Variants in FMN2 observed in about 807,000 individuals in gnomAD.
The protein encoded by FMN2 is formin-2.
Under a neutral mutation model 142.3 loss-of-function variants are expected in FMN2, and 51 were observed. The observed-to-expected ratio is 0.36, with a 90% confidence interval of 0.29 to 0.45. The LOEUF is 0.45. Ranked by LOEUF, FMN2 falls within the 20% of genes least tolerant of loss-of-function variation. The pLI is 1.00. For synonymous variants in FMN2, 882 were observed against 869.8 expected (o/e 1.01, Z -0.25); for missense variants, 1,936 against 2,122.8 (o/e 0.91, Z 1.73).
At chr1:240,424,372 A>G (rs1369113057) in intron 15 of FMN2, among the ~76,000 whole-genome samples, 1 of 152,140 alleles carries the variant, frequency 6.6e-6, no homozygotes, top group Non-Finnish European at 1.5e-5. Flanking sequence ...AGTAAGGAGA[A>G]ATGGGTAAGG....
intron 7 of FMN2, among the ~76,000 whole-genome samples, chr1:240,291,080 C>T (rs531355225): frequency 3.9e-4 from 59 of 152,220 alleles, no homozygotes; most frequent in Middle Eastern, 6.8e-3. Context: ...TCCCAGAGTG[C>T]TGGAATTACA....
chr1:240,408,006 C>T (rs1444899575), intron 15 of FMN2, among the ~76,000 whole-genome samples: 1 of 152,014 alleles, frequency 6.6e-6, no homozygotes, highest in African/African-American at 2.4e-5. Flanking sequence ...AGAAAATTGC[C>T]AAACTCTATT....
At chr1:240,242,942 C>A (rs1320497254) in intron 6 of FMN2, among the ~76,000 whole-genome samples, 1 of 152,094 alleles carries the variant, frequency 6.6e-6, no homozygotes, top group African/African-American at 2.4e-5. Context: ...TGGTGCCAAC[C>A]AGATAGTCTG....
At chr1:240,161,147 A>G (rs1421616362) in intron 2 of FMN2, among the ~76,000 whole-genome samples, 2 of 152,158 alleles carry the variant, frequency 1.3e-5, no homozygotes, top group Non-Finnish European at 2.9e-5. Flanking sequence ...CCAAACTAAT[A>G]GATTAGATGC....
At chr1:240,450,684 G>A (rs1676005943) in intron 16 of FMN2, among the ~76,000 whole-genome samples, 2 of 152,196 alleles carry the variant, frequency 1.3e-5, no homozygotes, top group African/African-American at 4.8e-5. Context: ...CCTGGCCAAT[G>A]TGGCTCCGTA....
chr1:240,370,188 C>A (rs1672816702), intron 14 of FMN2, among the ~76,000 whole-genome samples: 1 of 152,014 alleles, frequency 6.6e-6, no homozygotes, highest in African/African-American at 2.4e-5. Flanking sequence ...GTTTTTATGG[C>A]CTCAGAGAAT....
intron 14 of FMN2, 38 bp downstream of exon 14, chr1:240,355,946 T>C (rs776574867): frequency 6.2e-6 from 2 of 320,934 alleles, no homozygotes; most frequent in South Asian, 7.3e-5. Flanking sequence ...TTTCTCCCCT[T>C]TCAGCAAAAA....
chr1:240,190,773 A>T (rs1475155313), intron 4 of FMN2, among the ~76,000 whole-genome samples: 1 of 152,152 alleles, frequency 6.6e-6, no homozygotes, highest in East Asian at 1.9e-4. Flanking sequence ...TTATATGTAA[A>T]CTCTACCATG....
intron 15 of FMN2, among the ~76,000 whole-genome samples, chr1:240,418,493 C>T (rs957991005): frequency 5.9e-5 from 9 of 152,110 alleles, no homozygotes; most frequent in Admixed American, 6.5e-5. Flanking sequence ...CCACGCCCAG[C>T]CTATTGTTGA....
At chr1:240,248,033 T>C (rs1668136562) in intron 6 of FMN2, among the ~76,000 whole-genome samples, 1 of 152,042 alleles carries the variant, frequency 6.6e-6, no homozygotes, top group African/African-American at 2.4e-5. Context: ...TCCTCTATCA[T>C]TAGAACGTAT....
chr1:240,467,277 C>T (rs931455101), intron 16 of FMN2, among the ~76,000 whole-genome samples: 2 of 140,922 alleles, frequency 1.4e-5, no homozygotes, highest in African/African-American at 5.3e-5. Flanking sequence ...TAAATCGTTC[C>T]TTTTTTTTTT....
At chr1:240,152,003 G>A (rs1663800149) in intron 2 of FMN2, among the ~76,000 whole-genome samples, 1 of 152,108 alleles carries the variant, frequency 6.6e-6, no homozygotes, top group Non-Finnish European at 1.5e-5. Flanking sequence ...CTGGGCTCAA[G>A]CAATCCTCCT....
chr1:240,207,574 C>T lies in FMN2; in HGVS notation c.2762C>T (p.Pro921Leu), dbSNP rs763309325. 5.6e-6 allele frequency: 9 copies of T among 1,596,132 alleles called. No individual in the cohort carries two copies. Among genetic ancestry groups the T allele is most frequent in the East Asian group, 2.3e-5 (1 of 43,726 alleles). The change falls in exon 5 of 18, where the codon CCT (proline) becomes CTT (leucine). Residue 921 changes from proline to leucine, a missense_variant. Transcript: ENST00000319653. ...CCTCCTCTTCCCGGAGCGGGCATACCTCCTCCGCCGCCTCTACCCGGAGCA... is the reference window on the plus strand; with the variant it reads ...CCTCCTCTTCCCGGAGCGGGCATACTTCCTCCGCCGCCTCTACCCGGAGCA... ...PPPPLPGAGI[P>L]PPPPLPGAGI...
intron 6 of FMN2, among the ~76,000 whole-genome samples, chr1:240,243,912 C>T (rs935372289): frequency 7.2e-5 from 11 of 152,152 alleles, no homozygotes; most frequent in Admixed American, 2.0e-4. Flanking sequence ...TTCATATTTA[C>T]TTATATTCTC....
intron 2 of FMN2, among the ~76,000 whole-genome samples, chr1:240,174,525 T>G (rs1440604114): frequency 6.6e-6 from 1 of 152,132 alleles, no homozygotes; most frequent in African/African-American, 2.4e-5. Flanking sequence ...TGGCTAATTT[T>G]TTAAAAATTT....
intron 15 of FMN2, among the ~76,000 whole-genome samples, chr1:240,399,904 C>T (rs1435916822): frequency 6.6e-6 from 1 of 152,134 alleles, no homozygotes; most frequent in Non-Finnish European, 1.5e-5. Context: ...TGTCCTAATC[C>T]TAGCTTTAAC....
chr1:240,223,003 C>T (rs1210903711), intron 6 of FMN2, among the ~76,000 whole-genome samples: 2 of 152,138 alleles, frequency 1.3e-5, no homozygotes, highest in Non-Finnish European at 2.9e-5. Context: ...TTGCCCTGGC[C>T]AGAACTTTTA....
chr1:240,436,313 G>A (rs1675368579), intron 15 of FMN2, among the ~76,000 whole-genome samples: 1 of 152,194 alleles, frequency 6.6e-6, no homozygotes, highest in African/African-American at 2.4e-5. Context: ...GATTAAATCA[G>A]TCTTGTCGTC....
intron 6 of FMN2, among the ~76,000 whole-genome samples, chr1:240,229,897 C>G (rs1667481241): frequency 7.6e-6 from 1 of 131,568 alleles, no homozygotes; most frequent in Non-Finnish European, 1.6e-5. Context: ...CCACTCACCT[C>G]AGCCTCCCAA....
Sources: allele counts gnomAD v4.1 joint callset (sites outside exome capture counted in the v4.1 genomes callset), GRCh38; gene constraint gnomAD v4.1.1; transcripts MANE v1.5; gene names NCBI Gene and HGNC (gene_info 2026-07-23, HGNC 2026-07-21).